The following NUP88 variants were observed in gnomAD, a reference collection of about 807,000 sequenced individuals.
NUP88 encodes nucleoporin 88, also known as nuclear pore complex protein Nup88.
A neutral mutation model predicts 93.9 loss-of-function variants in NUP88; 57 were observed. That is an observed-to-expected ratio of 0.61 (90% CI 0.49 to 0.76). NUP88 has a LOEUF of 0.76. NUP88 is among the 30% of genes least tolerant of loss of function. The pLI, the probability that NUP88 is intolerant of heterozygous loss-of-function variation, is 0.00. For synonymous variants in NUP88, 346 were observed against 336.8 expected, an observed-to-expected ratio of 1.03 and a Z score of -0.30; for missense variants, 911 against 901.0, an observed-to-expected ratio of 1.01 and a Z score of -0.14.
At chr17:5,412,295 C>T (rs1913883715) in intron 3 of NUP88, among the ~76,000 whole-genome samples, 1 of 152,104 alleles carries the variant, frequency 6.6e-6, no homozygotes, top group Non-Finnish European at 1.5e-5. Context: ...TCTTTCTCTG[C>T]CCTGAACTCT....
chr17:5,405,080 C>G lies in NUP88; in HGVS notation c.1021G>C (p.Gly341Arg). The G allele has an allele frequency of 1.9e-6, 3 of 1,613,980 alleles. No individual in the cohort carries two copies. The highest frequency in any genetic ancestry group is 2.5e-6 in the Non-Finnish European group (3 of 1,179,920). Residue 341 changes from glycine to arginine, a missense_variant, in exon 6 of 17, where the codon GGG becomes CGG. Coordinates refer to ENST00000573584, the MANE Select transcript of NUP88 (RefSeq NM_002532.6). ...GMLYHCVVLEGEEEDDHTSEK... is the reference protein window; with the variant it reads ...GMLYHCVVLEREEEDDHTSEK... ...ACCGTGTGGTCATCTTCTTCTTCCC[C>G]TTCTAGCACGACACAGTGATACAGC...
chr17:5,418,796 T>C (rs1440384706), intron 1 of NUP88, among the ~76,000 whole-genome samples: 1 of 152,228 alleles, frequency 6.6e-6, no homozygotes, highest in Non-Finnish European at 1.5e-5. Flanking sequence ...CCACGGCAAG[T>C]GTGTAATACT....
chr17:5,393,896 TTATGA>T (rs1286432854), intron 9 of NUP88, among the ~76,000 whole-genome samples: 2 of 152,218 alleles, frequency 1.3e-5, no homozygotes, highest in Admixed American at 6.5e-5. Context: ...AACAGAGTGC[TTATGA>T]GATATCTAGT....
intron 2 of NUP88, among the ~76,000 whole-genome samples, chr17:5,415,086 C>G (rs1031175305): frequency 4.0e-5 from 6 of 151,724 alleles, no homozygotes; most frequent in Non-Finnish European, 8.8e-5. Flanking sequence ...GTGGCGTGAT[C>G]TTTGCTCACT....
Position 5,399,674 on chromosome 17 carries a change from A to G in NUP88, c.1193-24T>C, listed in dbSNP as rs772598040. 7 of 1,348,776 alleles carry G rather than the reference A, an allele frequency of 5.2e-6. No individual in the cohort carries two copies. The South Asian group carries it at 8.7e-5, about 17-fold the overall frequency. The allele number at this position is 1,348,776 out of a possible 1,614,324, so 83.6% of individuals were successfully genotyped here. ...ATCTGCAAATGGAATGATTAATGAT[A>G]CAAAGGTAGCCAGTGGATAACTAAA... On this transcript the variant is annotated intron_variant, in intron 7 of 16. Coordinates refer to ENST00000573584, the MANE Select transcript of NUP88 (RefSeq NM_002532.6).
In NUP88 at chr17:5,386,147, A is replaced by C. The variant is rs374583037; in HGVS notation, c.*59T>G. The C allele has an allele frequency of 7.3e-5, 93 of 1,275,326 alleles. 1 individual carries two copies. In the African/African-American group the frequency reaches 1.3e-3, roughly 18 times the overall value. The allele number at this position is 1,275,326 out of a possible 1,614,324, so 79.0% of individuals were successfully genotyped here. A position where few individuals can be genotyped will look rare whatever the true frequency, so the allele number is the denominator to read the frequency against. On this transcript the variant is annotated 3_prime_UTR_variant, in exon 17 of 17. Coordinates refer to ENST00000573584, the MANE Select transcript of NUP88 (RefSeq NM_002532.6). Reference sequence around the variant, plus strand: ...AATTAGATAATTCTACCTGTTTTACAATATGGGTTTAAGCCTTCAATGGTG... The same window carrying C: ...AATTAGATAATTCTACCTGTTTTACCATATGGGTTTAAGCCTTCAATGGTG...
intron 3 of NUP88, 73 bp downstream of exon 3, chr17:5,413,936 T>C (rs1271414156): frequency 2.1e-5 from 32 of 1,515,590 alleles, no homozygotes; most frequent in Non-Finnish European, 2.6e-5. Context: ...CGTTCTATGT[T>C]GAGCTGTTAA....
chr17:5,394,804 T>C, intron 9 of NUP88, 87 bp downstream of exon 9: 2 of 868,506 alleles, frequency 2.3e-6, no homozygotes, highest in East Asian at 2.4e-5. Context: ...GTGAATACTG[T>C]GGATGTGAGT....
intron 4 of NUP88, among the ~76,000 whole-genome samples, chr17:5,410,017 C>T (rs1218868321): frequency 6.6e-6 from 1 of 152,168 alleles, no homozygotes; most frequent in Non-Finnish European, 1.5e-5. Flanking sequence ...GGTGGCATAC[C>T]TGTGGACCCT....
chr17:5,404,907 C>T, intron 6 of NUP88, 150 bp downstream of exon 6: 2 of 721,440 alleles, frequency 2.8e-6, no homozygotes, highest in Non-Finnish European at 4.5e-6. Flanking sequence ...GCTAAGTGTG[C>T]TTCAGCTACT....
chr17:5,415,598 T>G (rs979924490), intron 2 of NUP88, among the ~76,000 whole-genome samples: 2 of 152,004 alleles, frequency 1.3e-5, no homozygotes, highest in African/African-American at 4.8e-5. Flanking sequence ...TTACAATGGG[T>G]TTACCAGTAC....
chr17:5,397,341 C>T (rs1364199554), intron 8 of NUP88, among the ~76,000 whole-genome samples: 1 of 130,932 alleles, frequency 7.6e-6, no homozygotes. Context: ...CCCTCTGTCT[C>T]TTAAAAGAAT....
At position 5,408,912 on chromosome 17, in the gene NUP88, G is replaced by T. The variant is rs1913659036; in HGVS notation, c.681-3C>A. The T allele has an allele frequency of 6.5e-7, 1 of 1,545,872 alleles. No homozygotes were observed. The highest frequency in any genetic ancestry group is 1.4e-5 in the African/African-American group (1 of 70,922). On this transcript the variant is annotated splice_polypyrimidine_tract_variant and splice_region_variant and intron_variant, in intron 4 of 16. Coordinates refer to ENST00000573584, the MANE Select transcript of NUP88 (RefSeq NM_002532.6). The stretch of plus-strand genomic sequence containing the variant: ...CTAGAGATGCGGTATACGCCCTTCT[G>T]GAAAGAGATGTAAAAACCAACTTGT...
chr17:5,401,931 C>T (rs1054865794), intron 7 of NUP88, among the ~76,000 whole-genome samples: 2 of 152,150 alleles, frequency 1.3e-5, no homozygotes, highest in Admixed American at 1.3e-4. Flanking sequence ...ATCTGGTGTG[C>T]CTCAGTGATT....
chr17:5,419,549 C>T lies in NUP88; in HGVS notation c.102G>A (p.Gln34=), dbSNP rs1427374576. The change falls in exon 1 of 17, where the codon CAG becomes CAA. Residue 34 remains glutamine, a synonymous_variant. Coordinates refer to ENST00000573584, the MANE Select transcript of NUP88 (RefSeq NM_002532.6). ...CTGGTTTCTCAGCTTCGGTTGGACTCTGGTTTTTCAGTCCCTCCCGGAGCC... is the reference window on the plus strand; with the variant it reads ...CTGGTTTCTCAGCTTCGGTTGGACTTTGGTTTTTCAGTCCCTCCCGGAGCC... ...FLRLREGLKN[Q]SPTEAEKPAS... 1.9e-6 allele frequency: 3 copies of T among 1,613,342 alleles called. No homozygotes were observed. The Admixed American group carries it at 5.0e-5, about 27-fold the overall frequency.
chr17:5,400,280 C>G (rs1396115435), intron 7 of NUP88, among the ~76,000 whole-genome samples: 2 of 151,728 alleles, frequency 1.3e-5, no homozygotes, highest in East Asian at 1.9e-4. Flanking sequence ...GGGAGGATCA[C>G]AAGGTCAGGA....
In NUP88 at chr17:5,404,120, A is replaced by G; in HGVS notation, c.1171T>C (p.Cys391Arg). The change falls in exon 7 of 17, where the codon TGT (cysteine) becomes CGT (arginine). Residue 391 changes from cysteine (C) to arginine (R), a missense_variant. Physicochemically the swap from Cys to Arg is radical, Grantham distance 180 (BLOSUM62 -3). Transcript: ENST00000573584. Reference sequence around the variant, plus strand: ...TTACCTCTATGAAGTTTGACTGGACAAGAAAAGTCAGAATCAAAAGGGTCA... The same window carrying G: ...TTACCTCTATGAAGTTTGACTGGACGAGAAAAGTCAGAATCAAAAGGGTCA... ...EDDPFDSDFS[C>R]PVKLHRDPKC... 6.2e-7 allele frequency: 1 copy of G among 1,614,150 alleles called. No individual in the cohort carries two copies. The highest frequency in any genetic ancestry group is 8.5e-7 in the Non-Finnish European group (1 of 1,180,008).
chr17:5,415,839 T>C (rs1914102755), intron 2 of NUP88, among the ~76,000 whole-genome samples: 1 of 151,954 alleles, frequency 6.6e-6, no homozygotes, highest in Non-Finnish European at 1.5e-5. Context: ...CTGGATTTGT[T>C]GAAAAAGAAA....
In NUP88 at chr17:5,385,824, TCTC is replaced by T. The variant is rs1042913945; in HGVS notation, c.*379_*381del. Reference sequence around the variant, plus strand: ...TGCTGCCAAGTACACTGTGTGGTCTTCTCCTTTGAATCCTAGGGTTCTATCCCT... The same window carrying T: ...TGCTGCCAAGTACACTGTGTGGTCTTCTTTGAATCCTAGGGTTCTATCCCT... On this transcript the variant is annotated 3_prime_UTR_variant, in exon 17 of 17. Transcript: ENST00000573584. The T allele has an allele frequency of 2.0e-5, 5 of 250,186 alleles. No homozygotes were observed. Among genetic ancestry groups the T allele is most frequent in the South Asian group, 1.7e-4 (1 of 5,884 alleles). The allele number at this position is 250,186 out of a possible 1,614,324, so 15.5% of individuals were successfully genotyped here.
Sources: gnomAD v4.1 joint callset for allele counts (sites outside exome capture counted in the v4.1 genomes callset) on GRCh38, gnomAD v4.1.1 for gene constraint, MANE v1.5 for transcripts, NCBI Gene and HGNC (gene_info 2026-07-23, HGNC 2026-07-21) for gene names.